Variants in PATJ observed in about 807,000 individuals in gnomAD.
PATJ encodes inaD-like protein.
A neutral mutation model predicts 224.9 loss-of-function variants in PATJ; 190 were observed. The ratio of observed to expected loss-of-function variants is 0.84; its 90% CI spans 0.75 to 0.95. The LOEUF is 0.95. Ranked by LOEUF, PATJ falls within the 40% of genes least tolerant of loss-of-function variation. PATJ has a pLI of 0.00. For missense variants in PATJ, 2,121 were observed against 2,270.3 expected (o/e 0.93, Z 1.34); for synonymous variants, 769 against 820.3 (o/e 0.94, Z 1.07).
intron 29 of PATJ, among the ~76,000 whole-genome samples, chr1:62,029,385 T>G (rs904955310): frequency 6.6e-6 from 1 of 152,196 alleles, no homozygotes; most frequent in Non-Finnish European, 1.5e-5. Context: ...CATGAGTATG[T>G]TCTCCTCATG....
intron 20 of PATJ, among the ~76,000 whole-genome samples, chr1:61,870,115 C>T (rs1232523331): frequency 6.6e-6 from 1 of 152,148 alleles, no homozygotes; most frequent in Non-Finnish European, 1.5e-5. Context: ...ACTTGTGGCT[C>T]CTGAGCGCTT....
At chr1:62,046,502 G>A (rs1276463106) in intron 30 of PATJ, among the ~76,000 whole-genome samples, 2 of 152,134 alleles carry the variant, frequency 1.3e-5, no homozygotes, top group African/African-American at 2.4e-5. Context: ...GAGGAAAAGT[G>A]GGGAGGCGTA....
Position 61,932,177 on chromosome 1 carries a change from C to G in PATJ, c.3670+4348C>G, listed in dbSNP as rs573817249. ...GTCATGGTCATTCCCTGCCTGCCCC[C>G]CCAACACACACACAGCCCCAGCCAT... is the stretch of plus-strand genomic sequence containing the variant. On this transcript the variant is annotated intron_variant, in intron 27 of 43. Coordinates refer to ENST00000642238, the MANE Select transcript of PATJ (RefSeq NM_001350145.3). Among the ~76,000 whole-genome samples the G allele has an allele frequency of 7.2e-5, 11 of 152,278 alleles. No homozygotes were observed. The East Asian group carries it at 7.7e-4, about 11-fold the overall frequency.
At position 61,827,525 on chromosome 1, in the gene PATJ, A is replaced by G; in HGVS notation, c.1922A>G (p.Asp641Gly). 6.2e-7 allele frequency: 1 copy of G among 1,613,992 alleles called. No individual in the cohort carries two copies. Among genetic ancestry groups the G allele is most frequent in the Non-Finnish European group, 8.5e-7 (1 of 1,179,990 alleles). The change falls in exon 16 of 44, where the codon GAT becomes GGT. Residue 641 changes from aspartate to glycine, a missense_variant. By Grantham distance (94) the Asp-to-Gly change is moderately conservative. Coordinates refer to ENST00000642238, the MANE Select transcript of PATJ (RefSeq NM_001350145.3). Reference protein sequence around the residue: ...FTLVCCRRLFDDEASVDEPRR... With the variant: ...FTLVCCRRLFGDEASVDEPRR... ...TTGGTTTGCTGTCGGAGGTTGTTTG[A>G]TGATGAAGCTTCTGTAGATGAACCA...
intron 16 of PATJ, among the ~76,000 whole-genome samples, chr1:61,830,006 G>T (rs1207696392): frequency 6.6e-6 from 1 of 152,036 alleles, no homozygotes; most frequent in African/African-American, 2.4e-5. Flanking sequence ...GCTTCATATT[G>T]TTCCCATGTT....
intron 17 of PATJ, among the ~76,000 whole-genome samples, chr1:61,848,226 T>C (rs772564618): frequency 2.6e-5 from 4 of 152,244 alleles, no homozygotes; most frequent in African/African-American, 7.2e-5. Context: ...CGTGAAACTC[T>C]ACACATCCAG....
intron 39 of PATJ, among the ~76,000 whole-genome samples, chr1:62,124,458 T>C (rs1405569794): frequency 2.0e-5 from 3 of 152,228 alleles, no homozygotes; most frequent in Admixed American, 1.3e-4. Context: ...GTTGTAATCA[T>C]GGTAATCCAC....
chr1:62,113,138 G>A (rs1664051661), intron 34 of PATJ, among the ~76,000 whole-genome samples: 1 of 152,150 alleles, frequency 6.6e-6, no homozygotes, highest in African/African-American at 2.4e-5. Context: ...AACAGAAAAG[G>A]AAACAGAGGC....
intron 7 of PATJ, among the ~76,000 whole-genome samples, chr1:61,778,175 C>G (rs1288773497): frequency 6.6e-6 from 1 of 151,948 alleles, no homozygotes; most frequent in Non-Finnish European, 1.5e-5. Context: ...CCATTGCACC[C>G]GCCTGGCCTT....
At chr1:61,808,337 C>A in intron 13 of PATJ, 137 bp from the exon 14 acceptor site, 1 of 647,562 alleles carries the variant, frequency 1.5e-6, no homozygotes, top group Non-Finnish European at 2.8e-6. Flanking sequence ...TTATAGATTT[C>A]AAAAATATAA....
chr1:61,886,049 G>A (rs1668784532), intron 22 of PATJ, among the ~76,000 whole-genome samples: 2 of 151,922 alleles, frequency 1.3e-5, no homozygotes, highest in Admixed American at 1.3e-4. Context: ...ATGGGGGAGT[G>A]ATAGCATTAG....
At chr1:61,981,152 G>A (rs143618642) in intron 27 of PATJ, among the ~76,000 whole-genome samples, 1 of 152,106 alleles carries the variant, frequency 6.6e-6, no homozygotes, top group African/African-American at 2.4e-5. Context: ...TCTTGTGAAG[G>A]CTGCCTTAAA....
intron 31 of PATJ, among the ~76,000 whole-genome samples, chr1:62,061,369 A>G (rs1655405196): frequency 6.6e-6 from 1 of 151,112 alleles, no homozygotes; most frequent in African/African-American, 2.4e-5. Flanking sequence ...TTTAGTGAAG[A>G]CGGGGTTTTG....
intron 6 of PATJ, among the ~76,000 whole-genome samples, chr1:61,773,525 G>A (rs371887073): frequency 2.7e-5 from 4 of 149,294 alleles, no homozygotes; most frequent in East Asian, 4.1e-4. Flanking sequence ...AGTGGCTCAT[G>A]CCTGTAATCC....
At chr1:61,799,542 T>C (rs969891520) in intron 11 of PATJ, among the ~76,000 whole-genome samples, 15 of 152,224 alleles carry the variant, frequency 9.9e-5, no homozygotes, top group African/African-American at 3.4e-4. Flanking sequence ...TTTATATAAA[T>C]GTTTTTTTAA....
chr1:61,978,822 T>A (rs2149491997), intron 27 of PATJ, among the ~76,000 whole-genome samples: 1 of 152,228 alleles, frequency 6.6e-6, no homozygotes, highest in South Asian at 2.1e-4. Context: ...GAAATTGTAT[T>A]GAGTCATTAT....
chr1:61,877,203 A>G (rs1057447903), intron 21 of PATJ, among the ~76,000 whole-genome samples: 2 of 152,040 alleles, frequency 1.3e-5, no homozygotes, highest in African/African-American at 2.4e-5. Context: ...ATATTTACTG[A>G]ATGAGGAAAT....
chr1:62,115,491 A>G (rs1263108428), intron 35 of PATJ, among the ~76,000 whole-genome samples: 1 of 151,636 alleles, frequency 6.6e-6, no homozygotes, highest in African/African-American at 2.4e-5. Context: ...ATAAAGAAAA[A>G]TGAAGTCTAT....
At chr1:61,871,361 G>A (rs1437289311) in intron 20 of PATJ, among the ~76,000 whole-genome samples, 3 of 61,528 alleles carry the variant, frequency 4.9e-5, no homozygotes, top group African/African-American at 9.3e-5. Context: ...ACAGGCATGC[G>A]CCACCATGCC....
Sources: allele counts gnomAD v4.1 joint callset (sites outside exome capture counted in the v4.1 genomes callset), GRCh38; gene constraint gnomAD v4.1.1; transcripts MANE v1.5; gene names NCBI Gene and HGNC (gene_info 2026-07-23, HGNC 2026-07-21).